IL1RL2: variants seen among roughly 807,000 people sequenced by gnomAD.
IL1RL2 encodes interleukin 1 receptor like 2.
In IL1RL2, 68 loss-of-function variants were observed where a neutral mutation model predicts 66.8. That is an observed-to-expected ratio of 1.02 (90% CI 0.84 to 1.25). The LOEUF (loss-of-function observed/expected upper bound fraction) is 1.25. Among genes scored for constraint, IL1RL2 ranks in the 50% most tolerant of loss-of-function variants. The probability of loss-of-function intolerance (pLI) is 0.00; values close to 1 mark genes in which losing one functional copy is unlikely to be tolerated. For missense variants in IL1RL2, 729 were observed against 709.3 expected, an observed-to-expected ratio of 1.03 and a Z score of -0.32; for synonymous variants, 305 against 264.6, an observed-to-expected ratio of 1.15 and a Z score of -1.48.
chr2:102,225,665 TA>T (rs1553648012), intron 8 of IL1RL2, among the ~76,000 whole-genome samples: 3 of 152,142 alleles, frequency 2.0e-5, no homozygotes, highest in African/African-American at 4.8e-5. Flanking sequence ...CTTTTACTCG[TA>T]TAAGTTCCCA....
chr2:102,233,188 C>A (rs917923362), intron 10 of IL1RL2, 64 bp downstream of exon 10: 2 of 1,480,766 alleles, frequency 1.4e-6, no homozygotes, highest in Non-Finnish European at 1.9e-6. Flanking sequence ...TCTGTTCCTC[C>A]ACTTTACTAA....
chr2:102,209,174 G>C (rs948570030), intron 5 of IL1RL2, among the ~76,000 whole-genome samples: 15 of 152,174 alleles, frequency 9.9e-5, no homozygotes. Flanking sequence ...TTTATGATCT[G>C]TTATATGCCA....
intron 11 of IL1RL2, among the ~76,000 whole-genome samples, chr2:102,238,981 A>G (rs953601941): frequency 5.9e-5 from 9 of 152,168 alleles, no homozygotes; most frequent in African/African-American, 2.2e-4. Context: ...GGGCTCTTAT[A>G]GGAAAGGTGA....
At chr2:102,234,817 G>T (rs1457487978) in intron 10 of IL1RL2, 80 bp from the exon 11 acceptor site, 1 of 1,338,824 alleles carries the variant, frequency 7.5e-7, no homozygotes, top group Non-Finnish European at 1.0e-6. Flanking sequence ...CTCCTGGCCT[G>T]TTTCAAACAT....
intron 4 of IL1RL2, among the ~76,000 whole-genome samples, chr2:102,198,756 G>T (rs1687993211): frequency 6.6e-6 from 1 of 151,962 alleles, no homozygotes; most frequent in South Asian, 2.1e-4. Flanking sequence ...TTCAGCTGCG[G>T]TCATCTTCTG....
Position 102,232,994 on chromosome 2 carries a change from C to A in IL1RL2, c.1167C>A (p.Tyr389Ter). 6.2e-7 allele frequency: 1 copy of A among 1,614,146 alleles called. No homozygotes were observed. The highest frequency in any genetic ancestry group is 8.5e-7 in the Non-Finnish European group (1 of 1,180,016). ...DGKLYDAYVL[Y>*]PKPHKESQRH... is the part of the protein sequence containing the mutation. ...AGCTGTATGACGCCTATGTCTTATA[C>A]CCCAAGCCCCACAAGGAAAGCCAGA... The change falls in exon 10 of 12, where the codon TAC (tyrosine) becomes TAA (stop). Residue 389 changes from tyrosine (Y) to a stop codon, truncating the protein, a stop_gained. Transcript: ENST00000264257. LOFTEE classifies it high-confidence loss of function.
intron 9 of IL1RL2, among the ~76,000 whole-genome samples, chr2:102,226,765 AGAAGGGAG>A (rs1470980847): frequency 6.6e-6 from 1 of 151,846 alleles, no homozygotes; most frequent in Non-Finnish European, 1.5e-5. Context: ...GAGATGGAGG[AGAAGGGAG>A]GAAGGGAAGA....
intron 2 of IL1RL2, among the ~76,000 whole-genome samples, chr2:102,188,587 CAAAA>C (rs374522339): frequency 5.6e-4 from 53 of 94,976 alleles, no homozygotes; most frequent in Middle Eastern, 6.0e-3. Context: ...GACTCCGTCT[CAAAA>C]AAAAAAAAAA....
chr2:102,221,010 G>A (rs1295859204), intron 8 of IL1RL2, among the ~76,000 whole-genome samples: 1 of 152,178 alleles, frequency 6.6e-6, no homozygotes, highest in Non-Finnish European at 1.5e-5. Flanking sequence ...GTGTCCTGAA[G>A]GCCAGTGTCG....
chr2:102,198,519 C>T (rs929801123), intron 4 of IL1RL2, among the ~76,000 whole-genome samples: 8 of 152,194 alleles, frequency 5.3e-5, no homozygotes, highest in East Asian at 3.8e-4. Flanking sequence ...GAAGTTACTT[C>T]GCGCTCTTCA....
At chr2:102,203,285 T>A (rs1688427450) in intron 5 of IL1RL2, among the ~76,000 whole-genome samples, 1 of 152,170 alleles carries the variant, frequency 6.6e-6, no homozygotes, top group African/African-American at 2.4e-5. Context: ...TTGCTAGTAC[T>A]TTGTTGAGGA....
At chr2:102,210,247 G>T (rs1689051005) in intron 5 of IL1RL2, among the ~76,000 whole-genome samples, 1 of 152,154 alleles carries the variant, frequency 6.6e-6, no homozygotes, top group African/African-American at 2.4e-5. Context: ...TATCTGAAGA[G>T]TAGAAAGCAG....
chr2:102,234,761 T>C lies in IL1RL2; in HGVS notation c.1298-136T>C, dbSNP rs569800917. The C allele has an allele frequency of 3.0e-4, 233 of 766,378 alleles. 2 individuals are homozygous for C. In the South Asian group the frequency reaches 4.2e-3, roughly 14 times the overall value. 47.5% of individuals were successfully genotyped at this position (766,378 alleles called of 1,614,324 possible). A position where few individuals can be genotyped will look rare whatever the true frequency, so the allele number is the denominator to read the frequency against. ...GAGATTGCATCCCTGCACTCCAACC[T>C]GGGCAACACAGTGAGACTTCACTTC... is the stretch of plus-strand genomic sequence containing the variant. On this transcript the variant is annotated intron_variant, in intron 10 of 11. Transcript: ENST00000264257.
downstream of IL1RL2, among the ~76,000 whole-genome samples, chr2:102,241,289 C>T (rs1404160040): frequency 6.6e-6 from 1 of 152,184 alleles, no homozygotes; most frequent in Admixed American, 6.5e-5. Context: ...GATCAGCAGG[C>T]CCTGTTTACT....
chr2:102,235,632 G>T, intron 11 of IL1RL2: 2 of 985,370 alleles, frequency 2.0e-6, no homozygotes, highest in Non-Finnish European at 2.4e-6. Flanking sequence ...CCATGATGTG[G>T]CACCCATAGA....
chr2:102,229,254 ACT>A (rs1375175911), intron 9 of IL1RL2, among the ~76,000 whole-genome samples: 12 of 152,174 alleles, frequency 7.9e-5, no homozygotes, highest in Admixed American at 7.2e-4. Flanking sequence ...GTGGAAATAG[ACT>A]CTGCTTCTTT....
At chr2:102,220,857 G>C (rs1340638236) in intron 8 of IL1RL2, among the ~76,000 whole-genome samples, 3 of 152,232 alleles carry the variant, frequency 2.0e-5, no homozygotes, top group Admixed American at 1.3e-4. Context: ...AGTGGTTGCT[G>C]TATGGAGTTA....
chr2:102,242,728 A>C (rs772013601), downstream of IL1RL2, among the ~76,000 whole-genome samples: 81 of 152,156 alleles, frequency 5.3e-4, no homozygotes, highest in Non-Finnish European at 9.3e-4. Context: ...TCTCCGCTGA[A>C]ACACCCTTAC....
intron 5 of IL1RL2, among the ~76,000 whole-genome samples, chr2:102,210,233 G>A (rs1439063384): frequency 6.6e-6 from 1 of 152,100 alleles, no homozygotes; most frequent in African/African-American, 2.4e-5. Context: ...GAGGGAACTT[G>A]GAGTATCTGA....
Sources: allele counts gnomAD v4.1 joint callset (sites outside exome capture counted in the v4.1 genomes callset), GRCh38; gene constraint gnomAD v4.1.1; transcripts MANE v1.5; gene names NCBI Gene and HGNC (gene_info 2026-07-23, HGNC 2026-07-21).